ASTN2: variants seen among roughly 807,000 people sequenced by gnomAD.
ASTN2 encodes the protein astrotactin-2.
ASTN2 carries 54 observed loss-of-function variants against 139.8 expected under a neutral mutation model. The observed-to-expected ratio is 0.39, with a 90% confidence interval of 0.31 to 0.48. ASTN2 has a LOEUF of 0.48. Ranked by LOEUF, ASTN2 falls within the 20% of genes least tolerant of loss-of-function variation. The pLI, the probability that ASTN2 is intolerant of heterozygous loss-of-function variation, is 0.95. For missense variants in ASTN2, 1,565 were observed against 1,725.1 expected (o/e 0.91, Z 1.64); for synonymous variants, 756 against 719.5 (o/e 1.05, Z -0.81).
At chr9:116,666,474 T>A (rs1858869464) in intron 16 of ASTN2, among the ~76,000 whole-genome samples, 1 of 152,214 alleles carries the variant, frequency 6.6e-6, no homozygotes, top group Admixed American at 6.5e-5. Flanking sequence ...TCTATCACAT[T>A]ACCATTATTA....
intron 20 of ASTN2, among the ~76,000 whole-genome samples, chr9:116,463,794 T>C (rs1409382692): frequency 1.3e-5 from 2 of 152,164 alleles, no homozygotes. Context: ...CAGGGCTGCA[T>C]GTTATCTGTC....
At chr9:117,213,106 T>G (rs892836640) in intron 3 of ASTN2, among the ~76,000 whole-genome samples, 2 of 152,118 alleles carry the variant, frequency 1.3e-5, no homozygotes, top group African/African-American at 4.8e-5. Context: ...CAGCCATAAA[T>G]AAGAATGAAA....
At chr9:116,851,672 T>TA (rs940736624) in intron 11 of ASTN2, among the ~76,000 whole-genome samples, 1,543 of 151,110 alleles carry the variant, frequency 0.01, 13 homozygotes, top group African/African-American at 0.034. Flanking sequence ...ATTTCATAAT[T>TA]AAAAAAAAAC....
intron 22 of ASTN2, among the ~76,000 whole-genome samples, chr9:116,427,278 A>C (rs961913033): frequency 6.6e-6 from 1 of 152,200 alleles, no homozygotes; most frequent in African/African-American, 2.4e-5. Flanking sequence ...AGAATTTTCA[A>C]TAGCACTCTT....
intron 16 of ASTN2, among the ~76,000 whole-genome samples, chr9:116,690,907 A>G (rs1860532623): frequency 6.6e-6 from 1 of 152,152 alleles, no homozygotes; most frequent in African/African-American, 2.4e-5. Context: ...CTGGAAGAGA[A>G]CTAAGTGTTG....
intron 16 of ASTN2, among the ~76,000 whole-genome samples, chr9:116,662,415 A>C (rs1028036145): frequency 2.0e-5 from 3 of 150,724 alleles, no homozygotes; most frequent in Middle Eastern, 3.2e-3. Flanking sequence ...TCCACTAAAA[A>C]TACAAAAGTT....
At chr9:116,501,745 T>C (rs1849861523) in intron 19 of ASTN2, among the ~76,000 whole-genome samples, 1 of 151,974 alleles carries the variant, frequency 6.6e-6, no homozygotes, top group African/African-American at 2.4e-5. Context: ...GAGATATACC[T>C]AATGCTAGAT....
chr9:117,381,973 G>A (rs1366713736), intron 1 of ASTN2, among the ~76,000 whole-genome samples: 1 of 152,118 alleles, frequency 6.6e-6, no homozygotes, highest in Non-Finnish European at 1.5e-5. Context: ...AGAGGTCAAG[G>A]TCAATGTGGC....
At chr9:117,379,214 C>T (rs1418208973) in intron 1 of ASTN2, among the ~76,000 whole-genome samples, 3 of 152,150 alleles carry the variant, frequency 2.0e-5, no homozygotes, top group African/African-American at 7.2e-5. Flanking sequence ...AAACTGCTGT[C>T]ATCAGAAATA....
chr9:116,593,239 AG>A (rs1854442492), intron 19 of ASTN2, among the ~76,000 whole-genome samples: 2 of 152,240 alleles, frequency 1.3e-5, no homozygotes, highest in Non-Finnish European at 2.9e-5. Context: ...GGGAAATAAA[AG>A]GGAATCTGCT....
intron 2 of ASTN2, among the ~76,000 whole-genome samples, chr9:117,269,663 C>G (rs985967035): frequency 2.0e-5 from 3 of 152,138 alleles, no homozygotes; most frequent in Non-Finnish European, 4.4e-5. Flanking sequence ...TGGGCAAGGC[C>G]CCGTGCGAAT....
chr9:116,818,915 T>A (rs1831409141), intron 12 of ASTN2, among the ~76,000 whole-genome samples: 1 of 152,284 alleles, frequency 6.6e-6, no homozygotes, highest in South Asian at 2.1e-4. Flanking sequence ...ACCTTGGGCA[T>A]GTTTCTTAGC....
chr9:116,574,371 T>C (rs1347085649), intron 19 of ASTN2, among the ~76,000 whole-genome samples: 2 of 152,200 alleles, frequency 1.3e-5, no homozygotes, highest in East Asian at 1.9e-4. Context: ...TTTTAAAAGA[T>C]AGTGAGCAGT....
At chr9:117,106,546 A>T (rs1452584095) in intron 4 of ASTN2, among the ~76,000 whole-genome samples, 5 of 152,170 alleles carry the variant, frequency 3.3e-5, no homozygotes, top group African/African-American at 9.7e-5. Context: ...TTATATGTTT[A>T]AAAATTATAA....
At chr9:116,875,538 A>G (rs1306956730) in intron 10 of ASTN2, among the ~76,000 whole-genome samples, 1 of 152,242 alleles carries the variant, frequency 6.6e-6, no homozygotes, top group Admixed American at 6.5e-5. Flanking sequence ...TATCAAAAAC[A>G]TCTAGTTAAC....
chr9:116,993,399 A>G (rs1472679905), intron 7 of ASTN2, among the ~76,000 whole-genome samples: 1 of 152,004 alleles, frequency 6.6e-6, no homozygotes, highest in Non-Finnish European at 1.5e-5. Context: ...TGTCTTGAAC[A>G]GTCTGCTCAA....
chr9:117,405,875 T>C (rs1267596284), intron 1 of ASTN2, among the ~76,000 whole-genome samples: 18 of 152,180 alleles, frequency 1.2e-4, no homozygotes, highest in Admixed American at 1.0e-3. Context: ...TCTAATCACA[T>C]TGTTCTCATT....
At chr9:117,145,103 T>C (rs1253541957) in intron 3 of ASTN2, among the ~76,000 whole-genome samples, 7 of 152,224 alleles carry the variant, frequency 4.6e-5, no homozygotes, top group African/African-American at 1.2e-4. Context: ...GTAATAAGCA[T>C]AGTACTTGAT....
At chr9:116,451,585 C>T (rs1848176683) in intron 20 of ASTN2, among the ~76,000 whole-genome samples, 1 of 152,114 alleles carries the variant, frequency 6.6e-6, no homozygotes, top group Admixed American at 6.5e-5. Flanking sequence ...ATGTTTGTTT[C>T]AGGTGTGTCT....
Sources: gnomAD v4.1 joint callset for allele counts (sites outside exome capture counted in the v4.1 genomes callset) on GRCh38, gnomAD v4.1.1 for gene constraint, MANE v1.5 for transcripts, NCBI Gene and HGNC (gene_info 2026-07-23, HGNC 2026-07-21) for gene names.